The following TCEAL4 variants were observed in gnomAD, a reference collection of about 807,000 sequenced individuals.
TCEAL4 encodes the protein transcription elongation factor A protein-like 4.
A neutral mutation model predicts 1.3 loss-of-function variants in TCEAL4; 1 was observed. That is an observed-to-expected ratio of 0.79 (90% CI 0.28 to 3.76). The LOEUF is 3.76. TCEAL4 is among the 30% of genes most tolerant of loss of function. The probability of loss-of-function intolerance (pLI) is 0.18; values close to 1 mark genes in which losing one functional copy is unlikely to be tolerated. For missense variants in TCEAL4, 129 were observed against 154.7 expected, an observed-to-expected ratio of 0.83 and a Z score of 0.88; for synonymous variants, 54 against 50.7, an observed-to-expected ratio of 1.06 and a Z score of -0.28.
chrX:103,585,672 G>A, intron 1 of TCEAL4, 48 bp downstream of exon 1: 1 of 1,160,087 alleles, frequency 8.6e-7, no homozygotes, highest in Non-Finnish European at 1.2e-6. Context: ...TGGAATGGCG[G>A]AAGGGGAACG....
In TCEAL4 at chrX:103,585,870, T is replaced by A. The variant is rs2073539404; in HGVS notation, c.-101+246T>A. The stretch of plus-strand genomic sequence containing the variant: ...TGCTCGCTTTCCAGGCACATCCTCT[T>A]CTCTGCCCTCCGTCCATTTTGGAGC... On this transcript the variant is annotated intron_variant, in intron 1 of 2. Coordinates refer to ENST00000472484, the MANE Select transcript of TCEAL4 (RefSeq NM_001006935.3). 3 of 1,048,399 alleles carry A rather than the reference T, an allele frequency of 2.9e-6. No homozygotes were observed. In the Admixed American group the frequency reaches 1.1e-4, roughly 39 times the overall value. The allele number at this position is 1,048,399 out of a possible 1,213,427, so 86.4% of individuals were successfully genotyped here.
exon 1 of TCEAL4, chrX:103,576,327 C>G: frequency 1.3e-6 from 1 of 746,772 alleles, no homozygotes; most frequent in South Asian, 2.7e-5. Context: ...TTATTTTACT[C>G]CTAGTATTAT....
At chrX:103,586,468 G>A (rs2073549110) in intron 2 of TCEAL4, 177 bp downstream of exon 2, 1 of 811,179 alleles carries the variant, frequency 1.2e-6, no homozygotes, top group East Asian at 3.5e-5. Flanking sequence ...GCTGGCTCAC[G>A]TGTGTGGGAG....
At position 103,587,037 on chromosome X, in the gene TCEAL4, A is replaced by G; in HGVS notation, c.362A>G (p.Asp121Gly). 7.4e-6 allele frequency: 9 copies of G among 1,211,492 alleles called. No homozygotes were observed. The highest frequency in any genetic ancestry group is 8.9e-6 in the Non-Finnish European group (8 of 895,497). ...RAAGKRPAED[D>G]VPRKAKRKTN... ...GCAGGAAAGCGCCCAGCTGAGGATG[A>G]TGTACCCAGGAAAGCCAAAAGAAAA... is the stretch of plus-strand genomic sequence containing the variant. The change falls in exon 3 of 3, where the codon GAT becomes GGT. Residue 121 changes from aspartate (D) to glycine (G), a missense_variant. By Grantham distance (94) the Asp-to-Gly change is moderately conservative (BLOSUM62 -1). This residue lies in a region of TCEAL4 where 116 missense variants were observed against 120.3 expected (regional missense o/e 0.96). Coordinates refer to ENST00000472484, the MANE Select transcript of TCEAL4 (RefSeq NM_001006935.3).
In TCEAL4 at chrX:103,586,215, G is replaced by A. The variant is rs1248510009; in HGVS notation, c.-100-4G>A. On this transcript the variant is annotated splice_region_variant and splice_polypyrimidine_tract_variant and intron_variant, in intron 1 of 2. Coordinates refer to ENST00000472484, the MANE Select transcript of TCEAL4 (RefSeq NM_001006935.3). ...CCCTGCCCCTGTCTCCTGTCTGTCTGCAGGTCTGCGCGTCTGTTGTTCCCA... is the reference window on the plus strand; with the variant it reads ...CCCTGCCCCTGTCTCCTGTCTGTCTACAGGTCTGCGCGTCTGTTGTTCCCA... The A allele has an allele frequency of 3.4e-6, 4 of 1,166,190 alleles. No individual in the cohort carries two copies. Among genetic ancestry groups the A allele is most frequent in the South Asian group, 3.8e-5 (2 of 52,696 alleles).
intron 2 of TCEAL4, among the ~76,000 whole-genome samples, chrX:103,579,104 T>C (rs976430107): frequency 1.8e-4 from 20 of 112,380 alleles, no homozygotes; most frequent in Non-Finnish European, 3.6e-4. Flanking sequence ...TCTTTCATAG[T>C]TGAATTTTCT....
exon 1 of TCEAL4, chrX:103,576,515 G>A: frequency 8.8e-7 from 1 of 1,139,356 alleles, no homozygotes; most frequent in Non-Finnish European, 1.2e-6. Context: ...TGTAATCCCA[G>A]CGTTTTGGGA....
At chrX:103,582,261 C>G (rs1332204017), upstream of TCEAL4, among the ~76,000 whole-genome samples, 1 of 111,221 alleles carries the variant, frequency 9.0e-6, no homozygotes, top group Non-Finnish European at 1.9e-5. Context: ...TCAGTGAGGA[C>G]CCAAACAAAT....
chrX:103,586,420 A>G (rs192154915), intron 2 of TCEAL4, 129 bp downstream of exon 2: 2 of 912,330 alleles, frequency 2.2e-6, no homozygotes, highest in African/African-American at 2.0e-5. Context: ...ACCAGGCTGA[A>G]CCAGTGCAGA....
chrX:103,580,598 C>A (rs755728172), upstream of TCEAL4, among the ~76,000 whole-genome samples: 3 of 110,806 alleles, frequency 2.7e-5, no homozygotes, highest in African/African-American at 9.9e-5. Context: ...CTGGGACTAC[C>A]GGTGTGCGCC....
chrX:103,586,744 G>A lies in TCEAL4; in HGVS notation c.69G>A (p.Gln23=). 2 of 1,211,720 alleles carry A rather than the reference G, an allele frequency of 1.7e-6. No homozygotes were observed. The highest frequency in any genetic ancestry group is 2.2e-6 in the Non-Finnish European group (2 of 895,442). ...AAGGAAAGATGGAAAATGAAGAACAGCCACAAGACGAGAGAAAGCCAGAAG... is the reference window on the plus strand; with the variant it reads ...AAGGAAAGATGGAAAATGAAGAACAACCACAAGACGAGAGAAAGCCAGAAG... ...SNQGKMENEE[Q]PQDERKPEVT... Residue 23 remains glutamine, a synonymous_variant, in exon 3 of 3, where the codon CAG becomes CAA. Coordinates refer to ENST00000472484, the MANE Select transcript of TCEAL4 (RefSeq NM_001006935.3).
At chrX:103,577,871 G>T (rs1289736284) in intron 2 of TCEAL4, among the ~76,000 whole-genome samples, 1 of 111,707 alleles carries the variant, frequency 9.0e-6, no homozygotes, top group Non-Finnish European at 1.9e-5. Flanking sequence ...TATTTAGGGT[G>T]CATAATCCAA....
chrX:103,585,003 G>A (rs1215770707), upstream of TCEAL4, among the ~76,000 whole-genome samples: 1 of 112,575 alleles, frequency 8.9e-6, no homozygotes, highest in Non-Finnish European at 1.9e-5. Flanking sequence ...AAAGGTTGTG[G>A]GTCACAGTTC....
At chrX:103,579,022 A>T (rs2073495819) in intron 2 of TCEAL4, among the ~76,000 whole-genome samples, 1 of 112,240 alleles carries the variant, frequency 8.9e-6, no homozygotes. Flanking sequence ...ATGGTGTGAA[A>T]AAGAGGCCCA....
upstream of TCEAL4, among the ~76,000 whole-genome samples, chrX:103,582,029 T>A (rs2073510677): frequency 8.9e-6 from 1 of 112,558 alleles, no homozygotes; most frequent in Non-Finnish European, 1.9e-5. Flanking sequence ...CTTAAGCTGA[T>A]AAGCAACTTC....
exon 1 of TCEAL4, chrX:103,576,426 C>T: frequency 1.7e-6 from 2 of 1,165,074 alleles, no homozygotes; most frequent in Non-Finnish European, 2.3e-6. Context: ...AAGAGTTCAG[C>T]TGCTAGGTTC....
At position 103,585,783 on chromosome X, in the gene TCEAL4, C is replaced by T. The variant is rs968198299; in HGVS notation, c.-101+159C>T. The T allele has an allele frequency of 5.3e-6, 6 of 1,123,385 alleles. No homozygotes were observed. In the African/African-American group the frequency reaches 1.1e-4, roughly 21 times the overall value. 92.6% of individuals were successfully genotyped at this position (1,123,385 alleles called of 1,213,427 possible). On this transcript the variant is annotated intron_variant, in intron 1 of 2. Coordinates refer to ENST00000472484, the MANE Select transcript of TCEAL4 (RefSeq NM_001006935.3). ...GCGGTGGGAAAACGGCTAGGGGTGG[C>T]TGAGGGGGAGCACGTAGGCAGTGGG...
At chrX:103,576,496 G>T in exon 1 of TCEAL4, 1 of 1,161,560 alleles carries the variant, frequency 8.6e-7, no homozygotes, top group Non-Finnish European at 1.2e-6. Flanking sequence ...AGGCGCCGCA[G>T]CTCACGCCTG....
At chrX:103,576,234 G>C in exon 1 of TCEAL4, 1 of 401,651 alleles carries the variant, frequency 2.5e-6, no homozygotes, top group Non-Finnish European at 4.3e-6. Context: ...GTTTCCTTTG[G>C]TCTAAGACAT....
Sources: gnomAD v4.1 joint callset for allele counts (sites outside exome capture counted in the v4.1 genomes callset) on GRCh38, gnomAD v4.1.1 for gene constraint, gnomAD v4.1.1 regional missense constraint, MANE v1.5 for transcripts, NCBI Gene and HGNC (gene_info 2026-07-23, HGNC 2026-07-21) for gene names.